Variants in ZNF423 observed in about 807,000 individuals in gnomAD.
ZNF423 encodes the protein zinc finger protein 423.
A neutral mutation model predicts 95.8 loss-of-function variants in ZNF423; 12 were observed. That is an observed-to-expected ratio of 0.13 (90% CI 0.08 to 0.20). ZNF423 has a LOEUF of 0.20. Among genes scored for constraint, ZNF423 ranks in the 10% least tolerant of loss-of-function variants. The probability of loss-of-function intolerance (pLI) is 1.00; values close to 1 mark genes in which losing one functional copy is unlikely to be tolerated. For missense variants in ZNF423, 1,316 were observed against 1,737.1 expected, an observed-to-expected ratio of 0.76 and a Z score of 4.31; for synonymous variants, 749 against 711.9, an observed-to-expected ratio of 1.05 and a Z score of -0.83.
intron 2 of ZNF423, among the ~76,000 whole-genome samples, chr16:49,762,285 G>C (rs559948091): frequency 7.2e-5 from 11 of 152,244 alleles, no homozygotes; most frequent in African/African-American, 2.4e-4. Context: ...GTCCCCCAGC[G>C]CCCCAGAAGG....
intron 3 of ZNF423, among the ~76,000 whole-genome samples, chr16:49,702,689 G>A (rs1287897730): frequency 6.6e-6 from 1 of 152,242 alleles, no homozygotes; most frequent in Non-Finnish European, 1.5e-5. Context: ...TAATAAGGCT[G>A]AGAGGCTCCG....
At chr16:49,710,805 G>A (rs1244445513) in intron 3 of ZNF423, among the ~76,000 whole-genome samples, 1 of 152,190 alleles carries the variant, frequency 6.6e-6, no homozygotes, top group Non-Finnish European at 1.5e-5. Flanking sequence ...AATTCCCGAG[G>A]GGCTTGCCAG....
rs554708738 is a variant in ZNF423 at position 49,704,436 on chromosome 16, T to C, written c.301+26335A>G. On this transcript the variant is annotated intron_variant, in intron 3 of 7. Coordinates refer to ENST00000563137, the MANE Select transcript of ZNF423 (RefSeq NM_001379286.1). ...AACTTGTCCCAATTTGTCTAGGACT[T>C]CCCCAATTTTAGAACTGAAAATGCT... 4.6e-5 allele frequency among the ~76,000 whole-genome samples: 7 copies of C among 152,158 alleles called. 1 individual carries two copies. The highest frequency in any genetic ancestry group is 1.7e-4 in the African/African-American group (7 of 41,508).
intron 2 of ZNF423, among the ~76,000 whole-genome samples, chr16:49,739,306 A>G (rs1237533601): frequency 6.6e-6 from 1 of 152,232 alleles, no homozygotes; most frequent in Non-Finnish European, 1.5e-5. Flanking sequence ...ATCGCAGTGC[A>G]GACAAAAGCT....
intron 5 of ZNF423, among the ~76,000 whole-genome samples, chr16:49,580,568 G>A (rs928394666): frequency 3.3e-5 from 5 of 152,258 alleles, no homozygotes; most frequent in South Asian, 2.1e-4. Context: ...CCATTGCCAA[G>A]GGATGAAGAA....
intron 1 of ZNF423, among the ~76,000 whole-genome samples, chr16:49,805,557 T>C (rs2034649399): frequency 2.6e-5 from 4 of 152,214 alleles, no homozygotes; most frequent in African/African-American, 9.6e-5. Flanking sequence ...AGTAATTAAC[T>C]GGCCAAACTT....
At chr16:49,748,856 C>T (rs1206252438) in intron 2 of ZNF423, among the ~76,000 whole-genome samples, 2 of 152,152 alleles carry the variant, frequency 1.3e-5, no homozygotes, top group African/African-American at 2.4e-5. Flanking sequence ...GGGGTTCCAG[C>T]TTCTTCTGAG....
chr16:49,685,063 G>A (rs1197230042), intron 3 of ZNF423, among the ~76,000 whole-genome samples: 1 of 152,184 alleles, frequency 6.6e-6, no homozygotes, highest in Non-Finnish European at 1.5e-5. Context: ...ACACTGGACA[G>A]GCTGCCCCCA....
chr16:49,573,414 A>G (rs1182132435), intron 5 of ZNF423, among the ~76,000 whole-genome samples: 1 of 152,208 alleles, frequency 6.6e-6, no homozygotes, highest in Non-Finnish European at 1.5e-5. Flanking sequence ...ACAGACAAGT[A>G]ATTTATCAAG....
chr16:49,620,161 AC>A (rs761661639), intron 5 of ZNF423, among the ~76,000 whole-genome samples: 3 of 145,652 alleles, frequency 2.1e-5, no homozygotes, highest in East Asian at 4.0e-4. Context: ...ACACACACAC[AC>A]CACACACACA....
chr16:49,653,696 C>T (rs542310924), intron 3 of ZNF423, among the ~76,000 whole-genome samples: 1 of 152,182 alleles, frequency 6.6e-6, no homozygotes, highest in Non-Finnish European at 1.5e-5. Context: ...GGGAGATGGA[C>T]AACACTTTTG....
rs1253021565 is a variant in ZNF423, at chr16:49,493,401, CG to C, written c.3850-2098del. ...CTTTGCTGAGCTGCACACAGGGTGG[CG>C]GCACCTCCTTTCTCAGGACCCAGGG... On this transcript the variant is annotated intron_variant, in intron 7 of 7. Transcript: ENST00000563137. 2.0e-5 allele frequency among the ~76,000 whole-genome samples: 3 copies of C among 152,156 alleles called. No individual in the cohort carries two copies. In the East Asian group the frequency reaches 5.8e-4, roughly 29 times the overall value.
chr16:49,590,045 T>C (rs985665304), intron 5 of ZNF423, among the ~76,000 whole-genome samples: 1 of 142,108 alleles, frequency 7.0e-6, no homozygotes, highest in African/African-American at 2.6e-5. Flanking sequence ...TATATATATA[T>C]ATATATTTGG....
chr16:49,677,228 A>AAACAGAAGAGAAGAGAAGAGAAGAG, intron 3 of ZNF423, among the ~76,000 whole-genome samples: 2 of 57,202 alleles, frequency 3.5e-5, no homozygotes, highest in Admixed American at 5.6e-4. Context: ...AGAAACAAGA[A>AAACAGAAGAGAAGAGAAGAGAAGAG]AAGAGAAGAG....
intron 1 of ZNF423, among the ~76,000 whole-genome samples, chr16:49,849,984 CAA>C (rs959427229): frequency 2.0e-5 from 3 of 152,310 alleles, no homozygotes; most frequent in South Asian, 4.1e-4. Flanking sequence ...TCAATCAAGA[CAA>C]AGAGAATCCT....
At chr16:49,563,658 G>A (rs1343331754) in intron 5 of ZNF423, among the ~76,000 whole-genome samples, 1 of 152,224 alleles carries the variant, frequency 6.6e-6, no homozygotes, top group Non-Finnish European at 1.5e-5. Flanking sequence ...CCAGAGCCAC[G>A]TCTTTGGCCT....
At chr16:49,652,570 C>T (rs945832696) in intron 3 of ZNF423, among the ~76,000 whole-genome samples, 6 of 152,194 alleles carry the variant, frequency 3.9e-5, no homozygotes, top group Admixed American at 3.3e-4. Flanking sequence ...ACATCGCCTG[C>T]CCGCCTCTTC....
chr16:49,738,571 C>T lies in ZNF423; in HGVS notation c.101-7600G>A, dbSNP rs59178726. ...GAGACAGGCACACAGCTCAGCTCCA[C>T]ATCAGGGGATATAGGAGCCTTGTGG... On this transcript the variant is annotated intron_variant, in intron 2 of 7. Coordinates refer to ENST00000563137, the MANE Select transcript of ZNF423 (RefSeq NM_001379286.1). Among the ~76,000 whole-genome samples the T allele has an allele frequency of 3.2e-3, 494 of 152,232 alleles. 1 individual carries two copies. The highest frequency in any genetic ancestry group is 0.011 in the African/African-American group (471 of 41,538).
At chr16:49,815,901 T>TACAC (rs1567356382) in intron 1 of ZNF423, among the ~76,000 whole-genome samples, 15 of 45,698 alleles carry the variant, frequency 3.3e-4, no homozygotes, top group African/African-American at 1.3e-3. Context: ...TATATATATA[T>TACAC]ATATATATAT....
Sources: gnomAD v4.1 joint callset for allele counts (sites outside exome capture counted in the v4.1 genomes callset) on GRCh38, gnomAD v4.1.1 for gene constraint, MANE v1.5 for transcripts, NCBI Gene and HGNC (gene_info 2026-07-23, HGNC 2026-07-21) for gene names.